Variants in USP34 observed in about 807,000 individuals in gnomAD.
USP34 encodes the protein ubiquitin specific peptidase 34.
Under a neutral mutation model 460.3 loss-of-function variants are expected in USP34, and 70 were observed. That is an observed-to-expected ratio of 0.15 (90% CI 0.13 to 0.19). The LOEUF is 0.19. USP34 is among the 10% of genes least tolerant of loss of function. The pLI is 1.00. For synonymous variants in USP34, 1,647 were observed against 1,405.3 expected, an observed-to-expected ratio of 1.17 and a Z score of -3.85; for missense variants, 3,985 against 4,236.2, an observed-to-expected ratio of 0.94 and a Z score of 1.65.
At chr2:61,375,286 A>G (rs972669977) in intron 8 of USP34, among the ~76,000 whole-genome samples, 1 of 152,184 alleles carries the variant, frequency 6.6e-6, no homozygotes, top group Non-Finnish European at 1.5e-5. Context: ...AACCTCCTAC[A>G]ATGCTAGTGG....
chr2:61,420,147 A>T (rs1264356030), intron 2 of USP34, among the ~76,000 whole-genome samples: 2 of 152,154 alleles, frequency 1.3e-5, no homozygotes, highest in Admixed American at 6.6e-5. Flanking sequence ...TACCCATAAA[A>T]TTTTTTAGAA....
rs1687134020 is a variant in USP34, at chr2:61,206,868, T to C, written c.8938A>G (p.Met2980Val). The change falls in exon 71 of 80, where the codon ATG becomes GTG. Residue 2980 changes from methionine (M) to valine (V), a missense_variant. Coordinates refer to ENST00000398571, the MANE Select transcript of USP34 (RefSeq NM_014709.4). ...CAAGCTGTAGCTTCGTGATACATCA[T>C]GTGCAAAGTGTTGAAAGACTACAAA... ...LMTESFNTLH[M>V]MYHEATACHV... 5.0e-6 allele frequency: 8 copies of C among 1,611,152 alleles called. No individual in the cohort carries two copies. In the South Asian group the frequency reaches 6.6e-5, roughly 13 times the overall value.
intron 75 of USP34, among the ~76,000 whole-genome samples, chr2:61,202,095 A>C (rs549127725): frequency 6.6e-6 from 1 of 152,308 alleles, no homozygotes; most frequent in East Asian, 1.9e-4. Context: ...AAATGCTCTA[A>C]TCACTTGCCA....
intron 3 of USP34, 47 bp downstream of exon 3, chr2:61,405,661 G>C: frequency 6.8e-7 from 1 of 1,466,732 alleles, no homozygotes; most frequent in Non-Finnish European, 9.1e-7. Flanking sequence ...AGACTGCGAA[G>C]TTAAGACTTG....
At chr2:61,327,085 C>CT (rs1425942347) in intron 20 of USP34, among the ~76,000 whole-genome samples, 2 of 152,020 alleles carry the variant, frequency 1.3e-5, no homozygotes, top group African/African-American at 4.8e-5. Flanking sequence ...TGTGCACAGC[C>CT]TGGGCATCTT....
At chr2:61,349,918 AAC>A (rs1156385913) in intron 12 of USP34, among the ~76,000 whole-genome samples, 3 of 152,120 alleles carry the variant, frequency 2.0e-5, no homozygotes, top group Non-Finnish European at 4.4e-5. Flanking sequence ...TGAAGCAGAA[AAC>A]ACAACAAGAT....
intron 18 of USP34, among the ~76,000 whole-genome samples, chr2:61,334,364 A>G (rs1162661896): frequency 6.6e-6 from 1 of 152,130 alleles, no homozygotes; most frequent in East Asian, 1.9e-4. Context: ...AGCACACCAC[A>G]TACCTCAAAA....
At chr2:61,321,554 C>T (rs1690923949) in intron 21 of USP34, among the ~76,000 whole-genome samples, 1 of 152,180 alleles carries the variant, frequency 6.6e-6, no homozygotes, top group African/African-American at 2.4e-5. Context: ...ATTCATACAA[C>T]ATTTTGGCCC....
chr2:61,325,391 T>A lies in USP34; in HGVS notation c.2997A>T (p.Gly999=). 1 of 1,558,964 alleles carries A rather than the reference T, an allele frequency of 6.4e-7. No homozygotes were observed. The highest frequency in any genetic ancestry group is 8.6e-7 in the Non-Finnish European group (1 of 1,160,416). ...AAAACTTACTGAAATGATCAGGTGA[T>A]CCCAGAGTTGAAAATACACAAGTCA... ...QFLTCVFSTL[G]SPDHFRLSLE... Residue 999 remains glycine (G), a synonymous_variant, in exon 21 of 80, where the codon GGA becomes GGT. Coordinates refer to ENST00000398571, the MANE Select transcript of USP34 (RefSeq NM_014709.4).
chr2:61,380,504 G>T, intron 6 of USP34, 143 bp from the exon 7 acceptor site: 1 of 776,642 alleles, frequency 1.3e-6, no homozygotes, highest in Non-Finnish European at 2.0e-6. Context: ...CTCAGGCCCT[G>T]CCTAATCTCT....
At chr2:61,343,403 C>G (rs570266294) in intron 16 of USP34, among the ~76,000 whole-genome samples, 1 of 152,136 alleles carries the variant, frequency 6.6e-6, no homozygotes, top group Admixed American at 6.5e-5. Context: ...CAAGCAACCA[C>G]TAACCTTCTG....
At chr2:61,349,994 T>A (rs998899935) in intron 12 of USP34, among the ~76,000 whole-genome samples, 2 of 151,886 alleles carry the variant, frequency 1.3e-5, no homozygotes, top group African/African-American at 4.8e-5. Context: ...GTTTACAAAA[T>A]GAAATCTCCA....
chr2:61,430,201 C>A (rs1459206289), intron 1 of USP34, among the ~76,000 whole-genome samples: 3 of 138,944 alleles, frequency 2.2e-5, no homozygotes, highest in Non-Finnish European at 4.5e-5. Flanking sequence ...GGCGACAGAG[C>A]GAGTCTTCGT....
At chr2:61,345,991 T>G (rs1162209717) in intron 15 of USP34, among the ~76,000 whole-genome samples, 2 of 152,158 alleles carry the variant, frequency 1.3e-5, no homozygotes, top group African/African-American at 4.8e-5. Flanking sequence ...AGTGACAGAA[T>G]CACATTATTT....
intron 1 of USP34, among the ~76,000 whole-genome samples, chr2:61,449,651 GA>G (rs954931861): frequency 5.3e-5 from 8 of 152,014 alleles, no homozygotes; most frequent in African/African-American, 1.4e-4. Flanking sequence ...ACAGAGTACA[GA>G]AAAAAACCCT....
At chr2:61,328,294 C>A (rs1363561452) in intron 20 of USP34, among the ~76,000 whole-genome samples, 1 of 138,770 alleles carries the variant, frequency 7.2e-6, no homozygotes. Context: ...AGAGCAAAAA[C>A]TCCGTCAAAA....
At chr2:61,301,182 A>G (rs776943106) in intron 28 of USP34, 22 bp from the exon 29 acceptor site, 2 of 1,576,638 alleles carry the variant, frequency 1.3e-6, no homozygotes, top group African/African-American at 1.4e-5. Context: ...AGGAAAAAAA[A>G]TTTATGCATA....
chr2:61,190,274 A>T lies in USP34; in HGVS notation c.9870T>A (p.Asn3290Lys). 1 of 1,611,974 alleles carries T rather than the reference A, an allele frequency of 6.2e-7. No individual in the cohort carries two copies. The highest frequency in any genetic ancestry group is 8.5e-7 in the Non-Finnish European group (1 of 1,179,408). Residue 3290 changes from asparagine (N) to lysine (K), a missense_variant, in exon 78 of 80, where the codon AAT (asparagine) becomes AAA (lysine). This residue lies in a region of USP34 where 506 missense variants were observed against 439.0 expected (regional missense o/e 1.15). Coordinates refer to ENST00000398571, the MANE Select transcript of USP34 (RefSeq NM_014709.4). ...GCCGCCTCTGCATAGTTCTTACCCC[A>T]TTTAAAGAAGCACTTGCTTTGGAAA... ...VEISKASASL[N>K]GDLRALALLL...
intron 29 of USP34, among the ~76,000 whole-genome samples, chr2:61,300,169 G>C (rs1252405241): frequency 1.3e-5 from 2 of 152,122 alleles, no homozygotes; most frequent in Non-Finnish European, 2.9e-5. Context: ...CAGAACATGT[G>C]TTTATCCTCT....
Sources: allele counts gnomAD v4.1 joint callset (sites outside exome capture counted in the v4.1 genomes callset), GRCh38; gene constraint gnomAD v4.1.1; regional missense constraint gnomAD v4.1.1; transcripts MANE v1.5; gene names NCBI Gene and HGNC (gene_info 2026-07-23, HGNC 2026-07-21).